The following VIT variants were observed in gnomAD, a reference collection of about 807,000 sequenced individuals.
VIT encodes vitrin.
A neutral mutation model predicts 78.0 loss-of-function variants in VIT; 99 were observed. The ratio of observed to expected loss-of-function variants is 1.27; its 90% CI spans 1.08 to 1.50. The LOEUF (loss-of-function observed/expected upper bound fraction) is 1.50, where lower values mean the gene tolerates loss of function less well. Ranked by LOEUF, VIT falls within the 40% of genes most tolerant of loss-of-function variation. The pLI is 0.00. For synonymous variants in VIT, 374 were observed against 334.3 expected, an observed-to-expected ratio of 1.12 and a Z score of -1.29; for missense variants, 1,126 against 875.3, an observed-to-expected ratio of 1.29 and a Z score of -3.61.
chr2:36,810,226 G>A (rs991119649), intron 15 of VIT, among the ~76,000 whole-genome samples: 1 of 151,732 alleles, frequency 6.6e-6, no homozygotes, highest in Non-Finnish European at 1.5e-5. Context: ...CAGAGGTGGA[G>A]TTTGCTGGTG....
At chr2:36,751,496 C>A (rs931368605) in intron 4 of VIT, among the ~76,000 whole-genome samples, 19 of 152,288 alleles carry the variant, frequency 1.2e-4, no homozygotes, top group African/African-American at 4.6e-4. Context: ...GACATAAGAA[C>A]TGGGGAGTCC....
chr2:36,757,472 A>G (rs1668838999), intron 5 of VIT, among the ~76,000 whole-genome samples: 1 of 151,594 alleles, frequency 6.6e-6, no homozygotes, highest in Non-Finnish European at 1.5e-5. Context: ...AGAAAAAAAA[A>G]TCACGTTTTA....
intron 12 of VIT, among the ~76,000 whole-genome samples, chr2:36,799,629 G>A (rs1666168315): frequency 6.6e-6 from 1 of 151,350 alleles, no homozygotes; most frequent in Non-Finnish European, 1.5e-5. Flanking sequence ...GAGGTGGGAG[G>A]ATGCTTGAGC....
intron 11 of VIT, among the ~76,000 whole-genome samples, chr2:36,785,841 A>T (rs969840371): frequency 6.6e-6 from 1 of 152,200 alleles, no homozygotes; most frequent in Non-Finnish European, 1.5e-5. Flanking sequence ...TTTTCTCCTA[A>T]TCACAGTTCT....
chr2:36,735,429 G>T (rs1667455172), intron 3 of VIT, among the ~76,000 whole-genome samples: 1 of 152,192 alleles, frequency 6.6e-6, no homozygotes, highest in Non-Finnish European at 1.5e-5. Flanking sequence ...TGGGGTAGGG[G>T]GTGGAATTCA....
intron 4 of VIT, among the ~76,000 whole-genome samples, chr2:36,744,812 T>C (rs1668039294): frequency 6.6e-6 from 1 of 152,200 alleles, no homozygotes; most frequent in African/African-American, 2.4e-5. Flanking sequence ...CAGAGCTCTT[T>C]AGTTTAATTA....
rs778382571 is a variant in VIT, at chr2:36,787,340, C to T, written c.1058+64C>T. On this transcript the variant is annotated intron_variant, in intron 12 of 15. Transcript: ENST00000379242. ...ATGCCATGTGCTTAATTTTATGCCA[C>T]GTGCTTAATTTTATGCCACAAATAT... 28 of 1,555,542 alleles carry T rather than the reference C, an allele frequency of 1.8e-5. No homozygotes were observed. The Admixed American group carries it at 2.7e-4, about 15-fold the overall frequency.
At chr2:36,729,247 A>G (rs979348555) in intron 2 of VIT, among the ~76,000 whole-genome samples, 179 bp from the exon 3 acceptor site, 2 of 152,168 alleles carry the variant, frequency 1.3e-5, no homozygotes, top group South Asian at 4.1e-4. Flanking sequence ...TGATGAAATC[A>G]CCTGTTGACA....
At chr2:36,709,275 G>A (rs979145906) in intron 1 of VIT, among the ~76,000 whole-genome samples, 3 of 152,232 alleles carry the variant, frequency 2.0e-5, no homozygotes, top group African/African-American at 4.8e-5. Flanking sequence ...TCTGGACTCA[G>A]AATGTTTGAA....
At chr2:36,707,770 A>G (rs1473723714) in intron 1 of VIT, among the ~76,000 whole-genome samples, 1 of 151,700 alleles carries the variant, frequency 6.6e-6, no homozygotes, top group Non-Finnish European at 1.5e-5. Flanking sequence ...AGCCTTGTGC[A>G]TTCTTAGGAA....
chr2:36,799,372 C>T (rs1666146910), intron 12 of VIT, among the ~76,000 whole-genome samples: 2 of 152,146 alleles, frequency 1.3e-5, no homozygotes, highest in Admixed American at 1.3e-4. Flanking sequence ...TGCCCACAAC[C>T]GCTTCTTCCT....
intron 12 of VIT, among the ~76,000 whole-genome samples, chr2:36,797,777 C>T (rs1476069959): frequency 2.0e-5 from 3 of 152,046 alleles, no homozygotes; most frequent in Non-Finnish European, 4.4e-5. Flanking sequence ...GGCTAGCACC[C>T]TATGGAACAC....
chr2:36,714,741 C>T (rs1314213114), intron 1 of VIT, among the ~76,000 whole-genome samples: 1 of 152,218 alleles, frequency 6.6e-6, no homozygotes, highest in African/African-American at 2.4e-5. Flanking sequence ...CAATCCTATT[C>T]ACCACCTTGG....
At chr2:36,703,636 A>T (rs1665211632) in intron 1 of VIT, among the ~76,000 whole-genome samples, 1 of 152,240 alleles carries the variant, frequency 6.6e-6, no homozygotes, top group Non-Finnish European at 1.5e-5. Context: ...AGGCTCAAAT[A>T]TGACGCTTGA....
At chr2:36,769,985 G>A (rs975921984) in intron 7 of VIT, among the ~76,000 whole-genome samples, 1 of 152,220 alleles carries the variant, frequency 6.6e-6, no homozygotes, top group African/African-American at 2.4e-5. Context: ...CAAATGGGCT[G>A]AAAATTGGAA....
chr2:36,708,110 T>TCCCCCCCCCCCCCC (rs141908586), intron 1 of VIT, among the ~76,000 whole-genome samples: 9 of 137,788 alleles, frequency 6.5e-5, no homozygotes, highest in Non-Finnish European at 1.1e-4. Context: ...GTAAAGGACC[T>TCCCCCCCCCCCCCC]CCCCCCCCCG....
intron 12 of VIT, among the ~76,000 whole-genome samples, chr2:36,795,364 TATTTA>T (rs1322929747): frequency 1.8e-4 from 13 of 70,430 alleles, no homozygotes; most frequent in Non-Finnish European, 2.1e-4. Flanking sequence ...TATTTTATTT[TATTTA>T]TTTTATTTTA....
At position 36,814,097 on chromosome 2, in the gene VIT, G is replaced by T. The variant is rs1398844967; in HGVS notation, c.1904-86G>T. Reference sequence around the variant, plus strand: ...CATATTTCTGATTTTGGATTTGGCTGTGCCAACAGGGCCACAAGAAGAGAG... The same window carrying T: ...CATATTTCTGATTTTGGATTTGGCTTTGCCAACAGGGCCACAAGAAGAGAG... On this transcript the variant is annotated intron_variant, in intron 15 of 15. Coordinates refer to ENST00000379242, the MANE Select transcript of VIT (RefSeq NM_053276.4). 6 of 1,508,822 alleles carry T rather than the reference G, an allele frequency of 4.0e-6. No homozygotes were observed. The East Asian group carries it at 1.4e-4, about 35-fold the overall frequency. The allele number at this position is 1,508,822 out of a possible 1,614,324, so 93.5% of individuals were successfully genotyped here. A position where few individuals can be genotyped will look rare whatever the true frequency, so the allele number is the denominator to read the frequency against.
chr2:36,757,501 A>G (rs1037538097), intron 5 of VIT, among the ~76,000 whole-genome samples: 1 of 152,188 alleles, frequency 6.6e-6, no homozygotes, highest in African/African-American at 2.4e-5. Flanking sequence ...AATAGAGAAG[A>G]TGTCTCTTCC....
Sources: allele counts gnomAD v4.1 joint callset (sites outside exome capture counted in the v4.1 genomes callset), GRCh38; gene constraint gnomAD v4.1.1; transcripts MANE v1.5; gene names NCBI Gene and HGNC (gene_info 2026-07-23, HGNC 2026-07-21).